MICALL1: variants seen among roughly 807,000 people sequenced by gnomAD.
The protein encoded by MICALL1 is MICAL-like protein 1.
Under a neutral mutation model 83.7 loss-of-function variants are expected in MICALL1, and 61 were observed. That is an observed-to-expected ratio of 0.73 (90% CI 0.59 to 0.90). The LOEUF (loss-of-function observed/expected upper bound fraction) is 0.90. Ranked by LOEUF, MICALL1 falls within the 40% of genes least tolerant of loss-of-function variation. MICALL1 has a pLI of 0.00. For missense variants in MICALL1, 1,066 were observed against 1,152.0 expected (o/e 0.93, Z 1.08); for synonymous variants, 481 against 473.6 (o/e 1.02, Z -0.20).
intron 15 of MICALL1, among the ~76,000 whole-genome samples, chr22:37,938,889 A>G (rs1242375008): frequency 2.0e-5 from 3 of 152,082 alleles, no homozygotes; most frequent in African/African-American, 7.2e-5. Flanking sequence ...CTGGGATTAT[A>G]GGTGTGAGCC....
At chr22:37,938,334 G>A (rs1930248007) in intron 15 of MICALL1, among the ~76,000 whole-genome samples, 1 of 151,062 alleles carries the variant, frequency 6.6e-6, no homozygotes, top group Non-Finnish European at 1.5e-5. Context: ...CCCGGGAGGT[G>A]GAGCTTGCAG....
At position 37,922,102 on chromosome 22, in the gene MICALL1, T is replaced by C; in HGVS notation, c.700T>C (p.Phe234Leu). 6.2e-7 allele frequency: 1 copy of C among 1,613,268 alleles called. No individual in the cohort carries two copies. The highest frequency in any genetic ancestry group is 8.5e-7 in the Non-Finnish European group (1 of 1,179,978). Residue 234 changes from phenylalanine to leucine, a missense_variant, in exon 6 of 16, where the codon TTC becomes CTC. Transcript: ENST00000215957. ...GTRSGTRPGP[F>L]SQPKQQHQQQ... ...ACGGTCGGGGACCAGGCCTGGGCCC[T>C]TCTCACAGCCAAAGCAGCAGCACCA... is the stretch of plus-strand genomic sequence containing the variant.
intron 8 of MICALL1, 110 bp downstream of exon 8, chr22:37,926,153 T>C: frequency 7.5e-7 from 1 of 1,337,300 alleles, no homozygotes; most frequent in Non-Finnish European, 1.0e-6. Flanking sequence ...ACCACGTGTT[T>C]CATGGGTGAC....
Position 37,932,581 on chromosome 22 carries a change from A to G in MICALL1, c.2045A>G (p.Glu682Gly), listed in dbSNP as rs1929849247. Reference sequence around the variant, plus strand: ...CAGGCTGACCAGTACATCCCTGAGGAGGACATCCATGGAGAGATGGATACC... The same window carrying G: ...CAGGCTGACCAGTACATCCCTGAGGGGGACATCCATGGAGAGATGGATACC... ...KVQADQYIPE[E>G]DIHGEMDTIE... The change falls in exon 11 of 16, where the codon GAG (glutamate) becomes GGG (glycine). Residue 682 changes from glutamate to glycine, a missense_variant. Transcript: ENST00000215957. The surrounding 1 kb of genome is among the most constrained non-coding windows in gnomAD (Gnocchi z 4.4). 6.2e-7 allele frequency: 1 copy of G among 1,614,060 alleles called. No individual in the cohort carries two copies. The highest frequency in any genetic ancestry group is 8.5e-7 in the Non-Finnish European group (1 of 1,180,028).
At position 37,927,815 on chromosome 22, in the gene MICALL1, C is replaced by T. The variant is rs1482589673; in HGVS notation, c.1870C>T (p.Leu624=). The T allele has an allele frequency of 3.1e-6, 5 of 1,607,276 alleles. No homozygotes were observed. The highest frequency in any genetic ancestry group is 3.3e-5 in the Admixed American group (2 of 59,740). ...VPSPGSSSPQ[L]QVKSSCKENP... is the part of the protein sequence containing the mutation. Reference sequence around the variant, plus strand: ...TTCCCCTGGAAGCTCGTCCCCACAGCTGCAGGTAAAGGTGAGTGCCCCCTC... The same window carrying T: ...TTCCCCTGGAAGCTCGTCCCCACAGTTGCAGGTAAAGGTGAGTGCCCCCTC... The change falls in exon 9 of 16, where the codon CTG becomes TTG. Residue 624 remains leucine, a synonymous_variant. Coordinates refer to ENST00000215957, the MANE Select transcript of MICALL1 (RefSeq NM_033386.4).
chr22:37,929,909 C>T (rs914118622), intron 9 of MICALL1, among the ~76,000 whole-genome samples: 2 of 152,312 alleles, frequency 1.3e-5, no homozygotes, highest in East Asian at 1.9e-4. Flanking sequence ...TCCCTGGTCC[C>T]GGCAAGAGCC....
intron 13 of MICALL1, 93 bp downstream of exon 13, chr22:37,933,205 T>C: frequency 7.7e-7 from 1 of 1,296,658 alleles, no homozygotes; most frequent in South Asian, 1.2e-5. Flanking sequence ...CCCAGTAGGA[T>C]GCACAGGCAG....
In MICALL1 at chr22:37,906,697, C is replaced by G. The variant is rs190986047; in HGVS notation, c.146+129C>G. ...CCCGGACACGGAGACGCCGACCCCC[C>G]CGACGGCCCCGGACGCCGGGCGGGT... On this transcript the variant is annotated intron_variant, in intron 1 of 15. Coordinates refer to ENST00000215957, the MANE Select transcript of MICALL1 (RefSeq NM_033386.4). The surrounding 1 kb of genome is among the most constrained non-coding windows in gnomAD (Gnocchi z 4.4). 60 of 857,028 alleles carry G rather than the reference C, an allele frequency of 7.0e-5. No homozygotes were observed. In the South Asian group the frequency reaches 1.8e-3, roughly 26 times the overall value. 53.1% of individuals were successfully genotyped at this position (857,028 alleles called of 1,614,324 possible). A position where few individuals can be genotyped will look rare whatever the true frequency, so the allele number is the denominator to read the frequency against.
chr22:37,938,859 C>T (rs1446672281), intron 15 of MICALL1, among the ~76,000 whole-genome samples: 4 of 152,020 alleles, frequency 2.6e-5, no homozygotes, highest in African/African-American at 7.3e-5. Context: ...GTGATCCGCT[C>T]GCCTCGGCCT....
At chr22:37,935,510 C>G (rs551806598) in intron 13 of MICALL1, among the ~76,000 whole-genome samples, 162 of 151,898 alleles carry the variant, frequency 1.1e-3, no homozygotes, top group African/African-American at 3.7e-3. Context: ...CCGCCCACCT[C>G]GGCCTCCCAA....
chr22:37,915,884 T>A (rs1928646141), intron 3 of MICALL1, among the ~76,000 whole-genome samples: 1 of 152,130 alleles, frequency 6.6e-6, no homozygotes, highest in Admixed American at 6.6e-5. Flanking sequence ...TGACCTCAAG[T>A]GATCCACCCA....
intron 5 of MICALL1, 90 bp from the exon 6 acceptor site, chr22:37,921,882 G>T (rs1387863204): frequency 1.6e-6 from 2 of 1,284,942 alleles, no homozygotes; most frequent in African/African-American, 1.5e-5. Context: ...GGAGGGAAGG[G>T]AGGAGACAGC....
rs1255202499 is a variant in MICALL1 at position 37,942,299 on chromosome 22, G to A, written c.*1469G>A. On this transcript the variant is annotated 3_prime_UTR_variant, in exon 16 of 16. Coordinates refer to ENST00000215957, the MANE Select transcript of MICALL1 (RefSeq NM_033386.4). The stretch of plus-strand genomic sequence containing the variant: ...CCAGGGCCAGACAGGTAACACGCAT[G>A]AACCCGAGTGACAGCTCTGACGGGC... 3 of 152,238 alleles carry A rather than the reference G, an allele frequency of 2.0e-5. No individual in the cohort carries two copies. The highest frequency in any genetic ancestry group is 2.9e-5 in the Non-Finnish European group (2 of 68,050). The allele number at this position is 152,238 out of a possible 1,614,324, so 9.4% of individuals were successfully genotyped here.
Position 37,925,903 on chromosome 22 carries a change from C to T in MICALL1, c.1325C>T (p.Pro442Leu). Residue 442 changes from proline to leucine, a missense_variant, in exon 8 of 16, where the codon CCC (proline) becomes CTC (leucine). By Grantham distance (98) the Pro-to-Leu change is moderately conservative. Transcript: ENST00000215957. The stretch of plus-strand genomic sequence containing the variant: ...AAGGAGGAAGAGGCTCCAGCTGCAC[C>T]CAGCCTGGCCACCAGCCCTGCCCTG... Reference protein sequence around the residue: ...EDKEEEAPAAPSLATSPALGH... With the variant: ...EDKEEEAPAALSLATSPALGH... The T allele has an allele frequency of 6.2e-7, 1 of 1,612,820 alleles. No individual in the cohort carries two copies. The highest frequency in any genetic ancestry group is 1.1e-5 in the South Asian group (1 of 90,950).
chr22:37,931,179 C>A (rs944987606), intron 9 of MICALL1, among the ~76,000 whole-genome samples: 1 of 152,206 alleles, frequency 6.6e-6, no homozygotes, highest in African/African-American at 2.4e-5. Context: ...AATGACTTAA[C>A]CTCTCTGAAC....
chr22:37,918,964 A>T, intron 4 of MICALL1, 72 bp from the exon 5 acceptor site: 1 of 1,427,330 alleles, frequency 7.0e-7, no homozygotes, highest in Non-Finnish European at 9.3e-7. Context: ...AGGGAGGGAG[A>T]GGGCAGTGAT....
intron 1 of MICALL1, among the ~76,000 whole-genome samples, chr22:37,909,185 T>C (rs1928156593): frequency 6.6e-6 from 1 of 152,006 alleles, no homozygotes. Context: ...CCCAAGTAGC[T>C]GGGATTACAG....
rs757940356 is a variant in MICALL1, at chr22:37,932,913, C to A, written c.2234+25C>A. ...TGTGAGTCCCCCCGCCTGGGGCATC[C>A]CTCCCTGGAATCCGTAGAGCTTAGA... On this transcript the variant is annotated intron_variant, in intron 12 of 15. Transcript: ENST00000215957. The surrounding 1 kb of genome is among the most constrained non-coding windows in gnomAD (Gnocchi z 4.4). 2 of 1,613,622 alleles carry A rather than the reference C, an allele frequency of 1.2e-6. No homozygotes were observed. Among genetic ancestry groups the A allele is most frequent in the South Asian group, 2.2e-5 (2 of 91,076 alleles).
In MICALL1 at chr22:37,922,786, GT is replaced by G. The variant is rs199591185; in HGVS notation, c.1024+369del. Among the ~76,000 whole-genome samples, 555 of 83,968 alleles carry G rather than the reference GT, an allele frequency of 6.6e-3. 4 individuals are homozygous for G. Among genetic ancestry groups the G allele is most frequent in the African/African-American group, 0.023 (524 of 22,636 alleles). The allele number at this position is 83,968 out of a possible 152,430, so 55.1% of individuals were successfully genotyped here. On this transcript the variant is annotated intron_variant, in intron 6 of 15. Coordinates refer to ENST00000215957, the MANE Select transcript of MICALL1 (RefSeq NM_033386.4). ...CACCATGCCCAGCTAATTTTGTTTT[GT>G]TTTTTTTTGTTTTTTTTTTTTTTTT...
Sources: allele counts gnomAD v4.1 joint callset (sites outside exome capture counted in the v4.1 genomes callset), GRCh38; gene constraint gnomAD v4.1.1; non-coding constraint Gnocchi (gnomAD v3.1); transcripts MANE v1.5; gene names NCBI Gene and HGNC (gene_info 2026-07-23, HGNC 2026-07-21).